TAT: variants seen among roughly 807,000 people sequenced by gnomAD.
The protein encoded by TAT is L-tyrosine:2-oxoglutarate aminotransferase.
In TAT, 35 loss-of-function variants were observed where a neutral mutation model predicts 53.6. The observed-to-expected ratio is 0.65, with a 90% confidence interval of 0.50 to 0.87. TAT has a LOEUF of 0.87. Ranked by LOEUF, TAT falls within the 40% of genes least tolerant of loss-of-function variation. The pLI, the probability that TAT is intolerant of heterozygous loss-of-function variation, is 0.00. For synonymous variants in TAT, 197 were observed against 206.5 expected, an observed-to-expected ratio of 0.95 and a Z score of 0.39; for missense variants, 525 against 571.8, an observed-to-expected ratio of 0.92 and a Z score of 0.83.
In TAT at chr16:71,573,619, A is replaced by G. The variant is rs1243668455; in HGVS notation, c.341-13T>C. The stretch of plus-strand genomic sequence containing the variant: ...CTGGATAGGAAGCCTGAAAGAAAAG[A>G]GTGGAAAGTGGAGCTTTTTTGGTTT... On this transcript the variant is annotated splice_polypyrimidine_tract_variant and intron_variant, in intron 3 of 11. Coordinates refer to ENST00000355962, the MANE Select transcript of TAT (RefSeq NM_000353.3). The G allele has an allele frequency of 1.3e-6, 2 of 1,551,564 alleles. No homozygotes were observed. Among genetic ancestry groups the G allele is most frequent in the Non-Finnish European group, 1.7e-6 (2 of 1,146,816 alleles).
At position 71,567,964 on chromosome 16, in the gene TAT, T is replaced by A; in HGVS notation, c.*180A>T. ...AGCAAGGGAGAATCTGCGATGTGAA[T>A]GAGGAGGATCTGAGTGTGGGTGTGG... On this transcript the variant is annotated 3_prime_UTR_variant, in exon 12 of 12. Transcript: ENST00000355962. 1.5e-6 allele frequency: 1 copy of A among 683,922 alleles called. No homozygotes were observed. The highest frequency in any genetic ancestry group is 2.6e-6 in the Non-Finnish European group (1 of 387,748). 42.4% of individuals were successfully genotyped at this position (683,922 alleles called of 1,614,324 possible). A position where few individuals can be genotyped will look rare whatever the true frequency, so the allele number is the denominator to read the frequency against.
intron 10 of TAT, among the ~76,000 whole-genome samples, chr16:71,569,369 CTCTG>C (rs1467736111): frequency 1.3e-5 from 2 of 151,640 alleles, no homozygotes; most frequent in African/African-American, 4.9e-5. Flanking sequence ...TGGGGTCTCA[CTCTG>C]TCTCCCAGAC....
Position 71,570,329 on chromosome 16 carries a change from C to T in TAT, c.981G>A (p.Leu327=). 3 of 1,614,184 alleles carry T rather than the reference C, an allele frequency of 1.9e-6. No homozygotes were observed. Among genetic ancestry groups the T allele is most frequent in the Non-Finnish European group, 2.5e-6 (3 of 1,180,042 alleles). ...LGPCTIVQGA[L]KSILCRTPGE... is the part of the protein sequence containing the mutation. ...CCGGGGTGCGACATAGGATGCTTTT[C>T]AGAGCTCCCTGGACAATGGTACAGG... is the stretch of plus-strand genomic sequence containing the variant. Residue 327 remains leucine (L), a synonymous_variant, in exon 9 of 12, where the codon CTG becomes CTA. Coordinates refer to ENST00000355962, the MANE Select transcript of TAT (RefSeq NM_000353.3).
In TAT at chr16:71,572,172, T is replaced by C. The variant is rs369613044; in HGVS notation, c.706+14A>G. 1 of 1,614,054 alleles carries C rather than the reference T, an allele frequency of 6.2e-7. No homozygotes were observed. Among genetic ancestry groups the C allele is most frequent in the African/African-American group, 1.3e-5 (1 of 75,044 alleles). On this transcript the variant is annotated intron_variant, in intron 6 of 11. Transcript: ENST00000355962. ...TGTCCCCACCTCGTCCTCTGTGAAG[T>C]CTGCTGGACGTACCTGCCAGAATCT... is the stretch of plus-strand genomic sequence containing the variant.
chr16:71,575,112 T>C (rs568103379), intron 3 of TAT: 30 of 152,362 alleles, frequency 2.0e-4, no homozygotes, highest in Admixed American at 1.7e-3. Flanking sequence ...TTTTGTTGTA[T>C]GAAACTTTAT....
In TAT at chr16:71,570,335, T is replaced by TCCCTGGACAATGGTA. The variant is rs1567590515; in HGVS notation, c.960_974dup (p.Thr321_Gly325dup). Reference sequence around the variant, plus strand: ...TGCGACATAGGATGCTTTTCAGAGCTCCCTGGACAATGGTACAGGGTCCCA... The same window carrying TCCCTGGACAATGGTA: ...TGCGACATAGGATGCTTTTCAGAGCTCCCTGGACAATGGTACCCTGGACAATGGTACAGGGTCCCA... On this transcript the variant is annotated inframe_insertion, in exon 9 of 12. Coordinates refer to ENST00000355962, the MANE Select transcript of TAT (RefSeq NM_000353.3). 6.2e-7 allele frequency: 1 copy of TCCCTGGACAATGGTA among 1,614,184 alleles called. No individual in the cohort carries two copies. Among genetic ancestry groups the TCCCTGGACAATGGTA allele is most frequent in the South Asian group, 1.1e-5 (1 of 91,080 alleles).
At position 71,576,204 on chromosome 16, in the gene TAT, T is replaced by C. The variant is rs765322663; in HGVS notation, c.212A>G (p.Lys71Arg). 7.4e-6 allele frequency: 12 copies of C among 1,614,108 alleles called. No homozygotes were observed. The South Asian group carries it at 1.3e-4, about 18-fold the overall frequency. The change falls in exon 2 of 12, where the codon AAA becomes AGA. Residue 71 changes from lysine (K) to arginine (R), a missense_variant. Physicochemically the swap from Lys to Arg is conservative, Grantham distance 26 (BLOSUM62 2). Transcript: ENST00000355962. ...ACCAATGGACAGGGAAATCATGGTT[T>C]TGTTTGGATTTGGTTTCACCTTCAT... Reference protein sequence around the residue: ...DNMKVKPNPNKTMISLSIGDP... With the variant: ...DNMKVKPNPNRTMISLSIGDP...
chr16:71,568,461 C>A, intron 11 of TAT, 177 bp from the exon 12 acceptor site: 1 of 701,288 alleles, frequency 1.4e-6, no homozygotes. Flanking sequence ...CTTAAAATGA[C>A]TTGTGGGACA....
intron 1 of TAT, 71 bp from the exon 2 acceptor site, chr16:71,576,498 C>A: frequency 1.5e-6 from 2 of 1,310,598 alleles, no homozygotes; most frequent in Non-Finnish European, 1.1e-6. Flanking sequence ...TACATTTGGA[C>A]CTAAACATTG....
Position 71,570,272 on chromosome 16 carries a change from G to C in TAT, c.1038C>G (p.Leu346=). ...GGAGGGCAGGAGCTGCCCTTACCTTGAGGAAGCTCAGAGTGTTGTGGTAAA... is the reference window on the plus strand; with the variant it reads ...GGAGGGCAGGAGCTGCCCTTACCTTCAGGAAGCTCAGAGTGTTGTGGTAAA... ...GEFYHNTLSF[L]KSNADLCYGA... The change falls in exon 9 of 12, where the codon CTC becomes CTG. Residue 346 remains leucine, a synonymous_variant. Coordinates refer to ENST00000355962, the MANE Select transcript of TAT (RefSeq NM_000353.3). The C allele has an allele frequency of 1.2e-6, 2 of 1,614,142 alleles. No individual in the cohort carries two copies. Among genetic ancestry groups the C allele is most frequent in the Non-Finnish European group, 1.7e-6 (2 of 1,180,024 alleles).
At position 71,576,165 on chromosome 16, in the gene TAT, A is replaced by T. The variant is rs2044233606; in HGVS notation, c.235+16T>A. On this transcript the variant is annotated intron_variant, in intron 2 of 11. Coordinates refer to ENST00000355962, the MANE Select transcript of TAT (RefSeq NM_000353.3). The stretch of plus-strand genomic sequence containing the variant: ...AGGAGGACAATGACAGCCCCTCAGT[A>T]GTGTCCCCAACTCACCAATGGACAG... 2 of 1,612,808 alleles carry T rather than the reference A, an allele frequency of 1.2e-6. No individual in the cohort carries two copies. The highest frequency in any genetic ancestry group is 2.2e-5 in the South Asian group (2 of 90,912).
At position 71,576,248 on chromosome 16, in the gene TAT, G is replaced by A. The variant is rs1206733451; in HGVS notation, c.168C>T (p.Ile56=). The A allele has an allele frequency of 1.2e-6, 2 of 1,614,058 alleles. No individual in the cohort carries two copies. Among genetic ancestry groups the A allele is most frequent in the African/African-American group, 2.7e-5 (2 of 74,936 alleles). ...SDMAKKTFNP[I]RAIVDNMKVK... The stretch of plus-strand genomic sequence containing the variant: ...CCTTCATGTTGTCCACAATGGCTCG[G>A]ATGGGGTTGAAAGTTTTCTTGGCCA... Residue 56 remains isoleucine, a synonymous_variant, in exon 2 of 12, where the codon ATC becomes ATT. Transcript: ENST00000355962.
chr16:71,575,683 G>A lies in TAT; in HGVS notation c.340+239C>T, dbSNP rs973796436. The A allele has an allele frequency of 1.6e-5, 9 of 573,326 alleles. No homozygotes were observed. In the African/African-American group the frequency reaches 1.7e-4, roughly 11 times the overall value. 35.5% of individuals were successfully genotyped at this position (573,326 alleles called of 1,614,324 possible). A position where few individuals can be genotyped will look rare whatever the true frequency, so the allele number is the denominator to read the frequency against. ...CTTTACTTGACAAATAAGTATGTTT[G>A]GGAGCCTAGAGGGGAAGTGCCCATA... On this transcript the variant is annotated intron_variant, in intron 3 of 11. Coordinates refer to ENST00000355962, the MANE Select transcript of TAT (RefSeq NM_000353.3).
intron 8 of TAT, 82 bp downstream of exon 8, chr16:71,570,597 A>G: frequency 6.2e-7 from 1 of 1,601,478 alleles, no homozygotes; most frequent in East Asian, 2.2e-5. Context: ...GAAAGAAAAG[A>G]AAAAAGCCTC....
chr16:71,572,699 A>C lies in TAT; in HGVS notation c.409-11T>G, dbSNP rs745925799. On this transcript the variant is annotated splice_polypyrimidine_tract_variant and intron_variant, in intron 4 of 11. Coordinates refer to ENST00000355962, the MANE Select transcript of TAT (RefSeq NM_000353.3). ...TGTCAGAATGACGTCCTGTGAAGGA[A>C]ATAAAAGGTTAATTTCATTAGGGGT... is the stretch of plus-strand genomic sequence containing the variant. 2 of 1,614,208 alleles carry C rather than the reference A, an allele frequency of 1.2e-6. No individual in the cohort carries two copies. The highest frequency in any genetic ancestry group is 3.3e-5 in the Admixed American group (2 of 60,018).
intron 3 of TAT, among the ~76,000 whole-genome samples, 155 bp from the exon 4 acceptor site, chr16:71,573,761 G>T (rs1478360943): frequency 6.6e-6 from 1 of 151,964 alleles, no homozygotes; most frequent in Non-Finnish European, 1.5e-5. Flanking sequence ...CTCCTGAGTA[G>T]CTGGGACTAT....
At position 71,571,709 on chromosome 16, in the gene TAT, G is replaced by C. The variant is rs2044204436; in HGVS notation, c.707-51C>G. Reference sequence around the variant, plus strand: ...GTTTTAATGTGAATTGCTTTATCATGTAATAGTCACATAATATCATGTAAT... The same window carrying C: ...GTTTTAATGTGAATTGCTTTATCATCTAATAGTCACATAATATCATGTAAT... On this transcript the variant is annotated intron_variant, in intron 6 of 11. Transcript: ENST00000355962. 4 of 1,513,066 alleles carry C rather than the reference G, an allele frequency of 2.6e-6. No homozygotes were observed. The Admixed American group carries it at 5.0e-5, about 19-fold the overall frequency. 93.7% of individuals were successfully genotyped at this position (1,513,066 alleles called of 1,614,324 possible).
In TAT at chr16:71,570,251, G is replaced by A; in HGVS notation, c.1041+18C>T. On this transcript the variant is annotated intron_variant, in intron 9 of 11. Transcript: ENST00000355962. ...TGACTCCCAAACTCCCAAAGTGGAG[G>A]GCAGGAGCTGCCCTTACCTTGAGGA... is the stretch of plus-strand genomic sequence containing the variant. The A allele has an allele frequency of 6.2e-7, 1 of 1,614,094 alleles. No homozygotes were observed. The highest frequency in any genetic ancestry group is 8.5e-7 in the Non-Finnish European group (1 of 1,180,014).
At chr16:71,574,436 C>G (rs1214682834) in intron 3 of TAT, among the ~76,000 whole-genome samples, 3 of 151,996 alleles carry the variant, frequency 2.0e-5, no homozygotes, top group Admixed American at 1.3e-4. Flanking sequence ...CAAAAATTAG[C>G]TGGGCATTGT....
Sources: gnomAD v4.1 joint callset for allele counts (sites outside exome capture counted in the v4.1 genomes callset) on GRCh38, gnomAD v4.1.1 for gene constraint, MANE v1.5 for transcripts, NCBI Gene and HGNC (gene_info 2026-07-23, HGNC 2026-07-21) for gene names.